Variants in HS3ST6 observed in about 807,000 individuals in gnomAD.
The protein encoded by HS3ST6 is heparan sulfate-glucosamine 3-sulfotransferase 6, also known as heparan sulfate glucosamine 3-O-sulfotransferase 6.
In HS3ST6, 13 loss-of-function variants were observed where a neutral mutation model predicts 11.0. The ratio of observed to expected loss-of-function variants is 1.18; its 90% confidence interval spans 0.77 to 1.88. The LOEUF is 1.88. HS3ST6 is among the 40% of genes most tolerant of loss of function. The pLI is 0.00. For synonymous variants in HS3ST6, 232 were observed against 230.6 expected, an observed-to-expected ratio of 1.01 and a Z score of -0.06; for missense variants, 541 against 494.4, an observed-to-expected ratio of 1.09 and a Z score of -0.89.
Position 1,911,546 on chromosome 16 carries a change from C to T in HS3ST6, c.*44G>A, listed in dbSNP as rs765920687. On this transcript the variant is annotated 3_prime_UTR_variant, in exon 2 of 2. Coordinates refer to ENST00000454677, the MANE Select transcript of HS3ST6 (RefSeq NM_001009606.4). ...GTGCACGCAGCCCGCTCTGGCCAGG[C>T]GAGCGGGTGTCAATCAAGGTGCTGA... 4 of 1,518,950 alleles carry T rather than the reference C, an allele frequency of 2.6e-6. No individual in the cohort carries two copies. The highest frequency in any genetic ancestry group is 1.3e-5 in the South Asian group (1 of 79,666). 94.1% of individuals were successfully genotyped at this position (1,518,950 alleles called of 1,614,324 possible). A position where few individuals can be genotyped will look rare whatever the true frequency, so the allele number is the denominator to read the frequency against.
chr16:1,917,247 G>A (rs149590852), intron 1 of HS3ST6, among the ~76,000 whole-genome samples: 1 of 152,138 alleles, frequency 6.6e-6, no homozygotes, highest in East Asian at 1.9e-4. Context: ...GCTTGGGGAT[G>A]AGCAGCCACC....
chr16:1,913,362 G>A lies in HS3ST6; in HGVS notation c.414-1157C>T, dbSNP rs530325476. Among the ~76,000 whole-genome samples the A allele has an allele frequency of 3.7e-4, 57 of 152,262 alleles. No individual in the cohort carries two copies. The East Asian group carries it at 4.8e-3, about 13-fold the overall frequency. ...GGCACTGACCCAGTCCCAAGGTCCC[G>A]GGGGAATCAGCCGACCACAGCCCAG... On this transcript the variant is annotated intron_variant, in intron 1 of 1. Transcript: ENST00000454677.
At chr16:1,920,019 CCACGGTCTCAGGAGTCCT>C (rs1350280716), upstream of HS3ST6, among the ~76,000 whole-genome samples, 53 of 152,170 alleles carry the variant, frequency 3.5e-4, no homozygotes, top group African/African-American at 6.3e-4. Flanking sequence ...TCAGCAGTCC[CCACGGTCTCAGGAGTCCT>C]CACGGTCTCA....
upstream of HS3ST6, among the ~76,000 whole-genome samples, chr16:1,920,891 T>C (rs1461654677): frequency 6.6e-6 from 1 of 152,176 alleles, no homozygotes; most frequent in East Asian, 1.9e-4. Context: ...TTAATGTCGC[T>C]CAGTGGAAGG....
rs746937211 is a variant in HS3ST6, at chr16:1,911,986, G to A, written c.633C>T (p.His211=). The change falls in exon 2 of 2, where the codon CAC becomes CAT. Residue 211 remains histidine, a synonymous_variant. Transcript: ENST00000454677. The part of the protein sequence containing the change: ...LPSFRALAFR[H]GLGPVDTAWS... Reference sequence around the variant, plus strand: ...AGGCTGTGTCCACGGGGCCCAGGCCGTGGCGGAAGGCCAGGGCGCGGAAGC... The same window carrying A: ...AGGCTGTGTCCACGGGGCCCAGGCCATGGCGGAAGGCCAGGGCGCGGAAGC... 45 of 1,541,278 alleles carry A rather than the reference G, an allele frequency of 2.9e-5. No individual in the cohort carries two copies. Among genetic ancestry groups the A allele is most frequent in the South Asian group, 1.4e-4 (11 of 79,348 alleles).
chr16:1,919,765 G>A (rs2082951064), upstream of HS3ST6, among the ~76,000 whole-genome samples: 1 of 152,234 alleles, frequency 6.6e-6, no homozygotes, highest in Non-Finnish European at 1.5e-5. Context: ...GGGGCTGACG[G>A]GGTGAAGACC....
chr16:1,915,739 C>G (rs997348607), intron 1 of HS3ST6, among the ~76,000 whole-genome samples: 4 of 152,340 alleles, frequency 2.6e-5, no homozygotes, highest in Middle Eastern at 3.4e-3. Flanking sequence ...GTGCTGAGCT[C>G]GGGGGCACTA....
Position 1,911,601 on chromosome 16 carries a change from C to T in HS3ST6, c.1018G>A (p.Gly340Ser), listed in dbSNP as rs780340724. The T allele has an allele frequency of 1.2e-5, 19 of 1,601,834 alleles. No homozygotes were observed. Among genetic ancestry groups the T allele is most frequent in the East Asian group, 9.0e-5 (4 of 44,450 alleles). The change falls in exon 2 of 2, where the codon GGC becomes AGC. Residue 340 changes from glycine to serine, a missense_variant. Coordinates refer to ENST00000454677, the MANE Select transcript of HS3ST6 (RefSeq NM_001009606.4). ...CCCCAGGGTGCCGCTCAGCCCCAGC[C>T]GAAGTCCTGGCCCGTCATCTGGTAG... ...RFYQMTGQDF[G>S]WG
upstream of HS3ST6, among the ~76,000 whole-genome samples, chr16:1,918,640 G>C (rs1339302974): frequency 1.3e-5 from 2 of 152,046 alleles, no homozygotes; most frequent in Non-Finnish European, 2.9e-5. This position sits in a 1 kb window ranked among gnomAD's most constrained non-coding sequence, Gnocchi z 6.0. Flanking sequence ...CTTGACTCCG[G>C]CATCTTCACC....
upstream of HS3ST6, among the ~76,000 whole-genome samples, chr16:1,920,725 C>T (rs1284406726): frequency 6.6e-6 from 1 of 152,246 alleles, no homozygotes. Flanking sequence ...GGAGTCGGCT[C>T]GGAGGGTTCT....
At chr16:1,916,421 C>T (rs189652582) in intron 1 of HS3ST6, among the ~76,000 whole-genome samples, 3 of 152,112 alleles carry the variant, frequency 2.0e-5, no homozygotes, top group East Asian at 1.9e-4. Flanking sequence ...TCAGTGTCCC[C>T]GGAACCCCAC....
At chr16:1,919,633 G>T (rs1040752345), upstream of HS3ST6, among the ~76,000 whole-genome samples, 1 of 152,242 alleles carries the variant, frequency 6.6e-6, no homozygotes, top group African/African-American at 2.4e-5. Context: ...AGCCGTTCCA[G>T]CCCTGATGGC....
At chr16:1,920,103 A>T (rs1175806326), upstream of HS3ST6, among the ~76,000 whole-genome samples, 2 of 65,626 alleles carry the variant, frequency 3.0e-5, no homozygotes, top group Non-Finnish European at 6.2e-5. Flanking sequence ...GGGTCTCAGG[A>T]GTCCCCACGG....
chr16:1,920,571 C>G (rs1444100227), upstream of HS3ST6, among the ~76,000 whole-genome samples: 1 of 152,214 alleles, frequency 6.6e-6, no homozygotes, highest in East Asian at 1.9e-4. Context: ...CATCTCCTGG[C>G]CTTTCCGCTG....
In HS3ST6 at chr16:1,917,999, A is replaced by G; in HGVS notation, c.325T>C (p.Phe109Leu). 2 of 1,548,364 alleles carry G rather than the reference A, an allele frequency of 1.3e-6. No individual in the cohort carries two copies. The highest frequency in any genetic ancestry group is 1.7e-6 in the Non-Finnish European group (2 of 1,156,362). ...KKGGTRALLE[F>L]LRLHPDVRAL... ...CGGACGTCGGGGTGCAGCCGCAGAA[A>G]CTCCAGCAGGGCGCGCGTGCCGCCC... is the stretch of plus-strand genomic sequence containing the variant. The change falls in exon 1 of 2, where the codon TTT (phenylalanine) becomes CTT (leucine). Residue 109 changes from phenylalanine to leucine, a missense_variant. Transcript: ENST00000454677.
rs1168926446 is a variant in HS3ST6, at chr16:1,918,403, G to C, written c.-80C>G. 5.5e-6 allele frequency: 1 copy of C among 181,190 alleles called. No homozygotes were observed. The highest frequency in any genetic ancestry group is 1.5e-4 in the South Asian group (1 of 6,896). 11.2% of individuals were successfully genotyped at this position (181,190 alleles called of 1,614,324 possible). On this transcript the variant is annotated 5_prime_UTR_variant, in exon 1 of 2. Coordinates refer to ENST00000454677, the MANE Select transcript of HS3ST6 (RefSeq NM_001009606.4). This position sits in a 1 kb window ranked among gnomAD's most constrained non-coding sequence, Gnocchi z 6.0. ...GGCCCGCGCGCCGCTCAGTCCGTGGGTGCCCGGCTTGTGCTCTGCGCCCGG... is the reference window on the plus strand; with the variant it reads ...GGCCCGCGCGCCGCTCAGTCCGTGGCTGCCCGGCTTGTGCTCTGCGCCCGG...
chr16:1,913,185 G>A (rs2082903207), intron 1 of HS3ST6, among the ~76,000 whole-genome samples: 1 of 152,240 alleles, frequency 6.6e-6, no homozygotes, highest in Non-Finnish European at 1.5e-5. Context: ...CCCAGCACAT[G>A]TGAGGAAAGT....
Position 1,912,243 on chromosome 16 carries a change from C to T in HS3ST6, c.414-38G>A, listed in dbSNP as rs746727417. The T allele has an allele frequency of 7.4e-7, 1 of 1,355,352 alleles. No homozygotes were observed. The highest frequency in any genetic ancestry group is 2.9e-5 in the East Asian group (1 of 34,888). The allele number at this position is 1,355,352 out of a possible 1,614,324, so 84.0% of individuals were successfully genotyped here. ...TGCAAGGAGAGGGGGCCTGAGCCTC[C>T]CCAGCCCTAGACCGGCCCCCAGGGG... On this transcript the variant is annotated intron_variant, in intron 1 of 1. Transcript: ENST00000454677. The surrounding 1 kb of genome is among the most constrained non-coding windows in gnomAD (Gnocchi z 5.6).
At position 1,917,911 on chromosome 16, in the gene HS3ST6, C is replaced by T. The variant is rs866000425; in HGVS notation, c.413G>A (p.Arg138Gln). Residue 138 changes from arginine (R) to glutamine (Q), a missense_variant and splice_region_variant, in exon 1 of 2, where the codon CGG becomes CAG. Physicochemically the swap from Arg to Gln is conservative, Grantham distance 43. Coordinates refer to ENST00000454677, the MANE Select transcript of HS3ST6 (RefSeq NM_001009606.4). ...AGGGCGGACGGGCCAGGGTGCTCACCGGTACCAGGCGAGGCCGCGCTCGTA... is the reference window on the plus strand; with the variant it reads ...AGGGCGGACGGGCCAGGGTGCTCACTGGTACCAGGCGAGGCCGCGCTCGTA... ...RCYERGLAWY[R>Q]SLMPRTLDGQ... is the part of the protein sequence containing the mutation. The T allele has an allele frequency of 1.4e-6, 2 of 1,463,490 alleles. No homozygotes were observed. Among genetic ancestry groups the T allele is most frequent in the Admixed American group, 2.2e-5 (1 of 44,692 alleles). 90.7% of individuals were successfully genotyped at this position (1,463,490 alleles called of 1,614,324 possible).
Sources: allele counts gnomAD v4.1 joint callset (sites outside exome capture counted in the v4.1 genomes callset), GRCh38; gene constraint gnomAD v4.1.1; non-coding constraint Gnocchi (gnomAD v3.1); transcripts MANE v1.5; gene names NCBI Gene and HGNC (gene_info 2026-07-23, HGNC 2026-07-21).